The following CROT variants were observed in gnomAD, a reference collection of about 807,000 sequenced individuals.
CROT encodes peroxisomal carnitine O-octanoyltransferase.
CROT carries 84 observed loss-of-function variants against 89.2 expected under a neutral mutation model. The observed-to-expected ratio is 0.94, with a 90% confidence interval of 0.79 to 1.13. CROT has a LOEUF of 1.13. Ranked by LOEUF, CROT falls within the 50% of genes most tolerant of loss-of-function variation. The pLI is 0.00. For synonymous variants in CROT, 212 were observed against 239.5 expected, an observed-to-expected ratio of 0.89 and a Z score of 1.06; for missense variants, 711 against 727.8, an observed-to-expected ratio of 0.98 and a Z score of 0.27.
chr7:87,392,316 T>C (rs1807387466), intron 14 of CROT, among the ~76,000 whole-genome samples: 1 of 151,242 alleles, frequency 6.6e-6, no homozygotes, highest in Non-Finnish European at 1.5e-5. Context: ...TTATACTTGT[T>C]AGTGTCACTT....
chr7:87,376,114 T>C (rs925907691), intron 9 of CROT, among the ~76,000 whole-genome samples, 161 bp downstream of exon 9: 12 of 152,116 alleles, frequency 7.9e-5, no homozygotes, highest in African/African-American at 2.4e-4. Context: ...ATAAAGTAGA[T>C]AGTAAATTGG....
chr7:87,398,492 T>G, intron 17 of CROT, 32 bp from the exon 18 acceptor site: 2 of 1,611,698 alleles, frequency 1.2e-6, no homozygotes, highest in South Asian at 1.1e-5. Flanking sequence ...GAGCCTTTTG[T>G]GTAATCATTA....
At chr7:87,398,137 T>C (rs1046461981) in intron 17 of CROT, among the ~76,000 whole-genome samples, 1 of 151,784 alleles carries the variant, frequency 6.6e-6, no homozygotes, top group African/African-American at 2.4e-5. Flanking sequence ...TCAAGTACTC[T>C]TTAAAAACAG....
intron 3 of CROT, among the ~76,000 whole-genome samples, chr7:87,351,324 A>G (rs34616897): frequency 0.026 from 3,909 of 151,392 alleles, 78 homozygotes; most frequent in Non-Finnish European, 0.044. Context: ...AAAAAAAAAA[A>G]AAAAAAAAGA....
chr7:87,380,071 A>C (rs894916210), intron 10 of CROT, among the ~76,000 whole-genome samples: 1 of 152,180 alleles, frequency 6.6e-6, no homozygotes. Flanking sequence ...TGGTTGTACC[A>C]CTGCACTCCC....
intron 13 of CROT, among the ~76,000 whole-genome samples, chr7:87,384,439 C>A (rs1286976048): frequency 6.6e-6 from 1 of 152,192 alleles, no homozygotes; most frequent in East Asian, 1.9e-4. Flanking sequence ...GGCTGAGGCA[C>A]GAGAATCCCT....
chr7:87,349,265 G>C, intron 3 of CROT, 82 bp downstream of exon 3: 1 of 631,378 alleles, frequency 1.6e-6, no homozygotes, highest in Non-Finnish European at 2.6e-6. Flanking sequence ...AAGGGGTCTC[G>C]ATCCAGACTC....
chr7:87,362,416 C>A (rs1806312423), intron 6 of CROT, among the ~76,000 whole-genome samples: 1 of 151,872 alleles, frequency 6.6e-6, no homozygotes, highest in Non-Finnish European at 1.5e-5. Context: ...CCTGCCTCAG[C>A]CTCCTGAGTG....
chr7:87,378,520 AT>A (rs957847232), intron 10 of CROT, among the ~76,000 whole-genome samples: 7 of 152,130 alleles, frequency 4.6e-5, no homozygotes, highest in Admixed American at 1.3e-4. Context: ...ATCTCTCCCC[AT>A]TTTTTGGTAC....
In CROT at chr7:87,398,635, T is replaced by G; in HGVS notation, c.1830T>G (p.Thr610=). 2 of 1,613,196 alleles carry G rather than the reference T, an allele frequency of 1.2e-6. No individual in the cohort carries two copies. Among genetic ancestry groups the G allele is most frequent in the Non-Finnish European group, 1.7e-6 (2 of 1,179,792 alleles). Residue 610 remains threonine (T), a synonymous_variant, in exon 18 of 18, where the codon ACT becomes ACG. Coordinates refer to ENST00000331536, the MANE Select transcript of CROT (RefSeq NM_021151.4). ...ATATGATACAGCTGATGAACTCTACTCATCTTTAGAGATGAATCATCTATT... is the reference window on the plus strand; with the variant it reads ...ATATGATACAGCTGATGAACTCTACGCATCTTTAGAGATGAATCATCTATT... The part of the protein sequence containing the change: ...FHDMIQLMNS[T]HL
At chr7:87,386,867 A>C (rs1420544127) in intron 13 of CROT, among the ~76,000 whole-genome samples, 2 of 152,092 alleles carry the variant, frequency 1.3e-5, no homozygotes, top group Non-Finnish European at 2.9e-5. Flanking sequence ...GGCTGCCTTT[A>C]GGATTTTTTT....
chr7:87,359,353 AATG>A (rs771421090), intron 4 of CROT, 23 bp downstream of exon 4: 15 of 1,573,224 alleles, frequency 9.5e-6, no homozygotes, highest in Non-Finnish European at 1.3e-5. Context: ...ATAATTGAAT[AATG>A]ATGATGTTTA....
chr7:87,380,897 C>A (rs750309892), intron 10 of CROT, among the ~76,000 whole-genome samples: 2 of 152,226 alleles, frequency 1.3e-5, no homozygotes, highest in African/African-American at 4.8e-5. Flanking sequence ...GGTTTGTCAG[C>A]GACCTGTGAG....
intron 3 of CROT, among the ~76,000 whole-genome samples, chr7:87,358,975 G>A (rs536005634): frequency 6.6e-6 from 1 of 152,036 alleles, no homozygotes; most frequent in African/African-American, 2.4e-5. Context: ...CATCTCCCTG[G>A]CTCCCTCCCG....
rs367853258 is a variant in CROT at position 87,392,900 on chromosome 7, A to G, written c.1599-48A>G. ...ATATTAAATGGTTTTTAGAAACAAT[A>G]TAAGCATCTGTAGGCCTAGTAAAAT... On this transcript the variant is annotated intron_variant, in intron 16 of 17. Transcript: ENST00000331536. 2.5e-6 allele frequency: 4 copies of G among 1,611,994 alleles called. No individual in the cohort carries two copies. The African/African-American group carries it at 4.0e-5, about 16-fold the overall frequency.
chr7:87,349,527 C>T (rs1368717415), intron 3 of CROT, among the ~76,000 whole-genome samples: 4 of 152,110 alleles, frequency 2.6e-5, no homozygotes, highest in Non-Finnish European at 5.9e-5. Flanking sequence ...GAAAACAATC[C>T]TTGACATTTT....
intron 3 of CROT, chr7:87,357,538 T>C: frequency 6.6e-7 from 1 of 1,510,668 alleles, no homozygotes; most frequent in South Asian, 1.2e-5. Flanking sequence ...TAAGGGGTCT[T>C]GATCCAGATG....
intron 7 of CROT, among the ~76,000 whole-genome samples, chr7:87,372,907 A>T (rs1806687021): frequency 6.6e-6 from 1 of 152,178 alleles, no homozygotes; most frequent in South Asian, 2.1e-4. Flanking sequence ...ATAATAGACA[A>T]ATAGTAAATT....
chr7:87,381,893 G>A lies in CROT; in HGVS notation c.979-17G>A, dbSNP rs1328172813. ...TTGACATAAAGTATTCAGAAATCTT[G>A]TGTGTTCTCATTTTAGCATGCTCCT... On this transcript the variant is annotated splice_polypyrimidine_tract_variant and intron_variant, in intron 10 of 17. Transcript: ENST00000331536. 2 of 1,560,028 alleles carry A rather than the reference G, an allele frequency of 1.3e-6. No individual in the cohort carries two copies. Among genetic ancestry groups the A allele is most frequent in the Non-Finnish European group, 1.7e-6 (2 of 1,143,174 alleles).
Sources: gnomAD v4.1 joint callset for allele counts (sites outside exome capture counted in the v4.1 genomes callset) on GRCh38, gnomAD v4.1.1 for gene constraint, MANE v1.5 for transcripts, NCBI Gene and HGNC (gene_info 2026-07-23, HGNC 2026-07-21) for gene names.